Variants in DNHD1 observed in about 807,000 individuals in gnomAD.
DNHD1 encodes the protein dynein heavy chain domain 1, also known as dynein heavy chain domain-containing protein 1.
Under a neutral mutation model 458.1 loss-of-function variants are expected in DNHD1, and 383 were observed. That is an observed-to-expected ratio of 0.84 (90% CI 0.77 to 0.91). The LOEUF (loss-of-function observed/expected upper bound fraction) is 0.91. DNHD1 is among the 40% of genes least tolerant of loss of function. The pLI, the probability that DNHD1 is intolerant of heterozygous loss-of-function variation, is 0.00. For missense variants in DNHD1, 5,336 were observed against 5,866.1 expected (o/e 0.91, Z 2.95); for synonymous variants, 2,203 against 2,376.9 (o/e 0.93, Z 2.13).
rs1011943451 is a variant in DNHD1, at chr11:6,548,003, G to T, written c.6868G>T (p.Ala2290Ser). The change falls in exon 22 of 43, where the codon GCC (alanine) becomes TCC (serine). Residue 2290 changes from alanine (A) to serine (S), a missense_variant. Physicochemically the swap from Ala to Ser is moderately conservative, Grantham distance 99. Around this residue, in one of 4 missense-constraint regions of DNHD1, gnomAD observed 3,932 missense variants for 4,365.6 expected, o/e 0.90. Coordinates refer to ENST00000254579, the MANE Select transcript of DNHD1 (RefSeq NM_144666.3). This position sits in a 1 kb window ranked among gnomAD's most constrained non-coding sequence, Gnocchi z 4.4. ...HLLAVSSFLF[A>S]LIWGFGAHLP... Reference sequence around the variant, plus strand: ...GCTGGCTGTCAGCAGTTTTCTTTTTGCCTTGATCTGGGGCTTTGGAGCCCA... The same window carrying T: ...GCTGGCTGTCAGCAGTTTTCTTTTTTCCTTGATCTGGGGCTTTGGAGCCCA... 2.6e-6 allele frequency: 4 copies of T among 1,551,552 alleles called. No individual in the cohort carries two copies. In the Admixed American group the frequency reaches 7.8e-5, roughly 30 times the overall value.
Position 6,538,307 on chromosome 11 carries a change from C to G in DNHD1, c.2999-76C>G. On this transcript the variant is annotated intron_variant, in intron 14 of 42. Transcript: ENST00000254579. ...GGACCCTACCTTCTGTCATTATGGG[C>G]TCTTGACTGATCATTCCACCACCCC... is the stretch of plus-strand genomic sequence containing the variant. The G allele has an allele frequency of 7.7e-6, 11 of 1,426,852 alleles. No homozygotes were observed. In the South Asian group the frequency reaches 1.4e-4, roughly 18 times the overall value. 88.4% of individuals were successfully genotyped at this position (1,426,852 alleles called of 1,614,324 possible). A position where few individuals can be genotyped will look rare whatever the true frequency, so the allele number is the denominator to read the frequency against.
chr11:6,568,598 A>G, intron 38 of DNHD1, 22 bp downstream of exon 38: 1 of 1,613,860 alleles, frequency 6.2e-7, no homozygotes, highest in Non-Finnish European at 8.5e-7. Flanking sequence ...AACCCCCTAC[A>G]GGCTCTCAAA....
At chr11:6,542,637 C>A (rs1014724743) in intron 18 of DNHD1, among the ~76,000 whole-genome samples, 1 of 152,242 alleles carries the variant, frequency 6.6e-6, no homozygotes, top group African/African-American at 2.4e-5. Context: ...AGTGGCCACA[C>A]ACCATGAAGC....
chr11:6,502,035 A>G (rs1054529392), intron 3 of DNHD1, among the ~76,000 whole-genome samples: 41 of 152,334 alleles, frequency 2.7e-4, no homozygotes, highest in African/African-American at 8.4e-4. Flanking sequence ...TCTAAGTTAA[A>G]TCATTCCAGA....
intron 18 of DNHD1, among the ~76,000 whole-genome samples, chr11:6,541,814 A>T (rs1206184846): frequency 6.6e-6 from 1 of 152,212 alleles, no homozygotes; most frequent in African/African-American, 2.4e-5. Flanking sequence ...CAGTTAAGGG[A>T]TGACTGGTAT....
In DNHD1 at chr11:6,524,516, T is replaced by A. The variant is rs73404916; in HGVS notation, c.1838-4006T>A. On this transcript the variant is annotated intron_variant, in intron 10 of 42. Coordinates refer to ENST00000254579, the MANE Select transcript of DNHD1 (RefSeq NM_144666.3). Reference sequence around the variant, plus strand: ...ACTCCATCCTTGACTTTATATGATATTTGAGTTTTCCTGTCCGTGAGACTG... The same window carrying A: ...ACTCCATCCTTGACTTTATATGATAATTGAGTTTTCCTGTCCGTGAGACTG... 4.7e-3 allele frequency among the ~76,000 whole-genome samples: 713 copies of A among 152,338 alleles called. 8 individuals carry two copies. Among genetic ancestry groups the A allele is most frequent in the African/African-American group, 0.017 (688 of 41,570 alleles).
rs373673021 is a variant in DNHD1, at chr11:6,548,813, C to T, written c.7267C>T (p.Arg2423Cys). ...CCCTGCCTTCAGTTCCTCCCACCTC[C>T]GTCTCCTGCTGAGCAGAGGAATCCA... ...IHPAFSSSHLRLLLSRGIQGQ... is the reference protein window; with the variant it reads ...IHPAFSSSHLCLLLSRGIQGQ... The change falls in exon 24 of 43, where the codon CGT becomes TGT. Residue 2423 changes from arginine to cysteine, a missense_variant. Around this residue, in one of 4 missense-constraint regions of DNHD1, gnomAD observed 3,932 missense variants for 4,365.6 expected, o/e 0.90. Transcript: ENST00000254579. The surrounding 1 kb of genome is among the most constrained non-coding windows in gnomAD (Gnocchi z 4.4). 10 of 1,551,708 alleles carry T rather than the reference C, an allele frequency of 6.4e-6. No individual in the cohort carries two copies. The highest frequency in any genetic ancestry group is 3.6e-5 in the South Asian group (3 of 84,064).
intron 13 of DNHD1, 32 bp from the exon 14 acceptor site, chr11:6,533,649 G>T: frequency 6.6e-7 from 1 of 1,520,898 alleles, no homozygotes; most frequent in Non-Finnish European, 8.8e-7. Context: ...TGGGGTTGTG[G>T]GGCTGCCGGT....
In DNHD1 at chr11:6,545,385, G is replaced by T; in HGVS notation, c.4446G>T (p.Lys1482Asn). Residue 1482 changes from lysine to asparagine, a missense_variant, in exon 21 of 43, where the codon AAG becomes AAT. Physicochemically the swap from Lys to Asn is moderately conservative, Grantham distance 94. Transcript: ENST00000254579. This position sits in a 1 kb window ranked among gnomAD's most constrained non-coding sequence, Gnocchi z 4.9. Reference sequence around the variant, plus strand: ...GCCCATCTCTAGGTGAGGCCCTCAAGCAACTGCCCAAGCAAAACAAGTTGT... The same window carrying T: ...GCCCATCTCTAGGTGAGGCCCTCAATCAACTGCCCAAGCAAAACAAGTTGT... Reference protein sequence around the residue: ...ARGPSLGEALKQLPKQNKLYL... With the variant: ...ARGPSLGEALNQLPKQNKLYL... The T allele has an allele frequency of 1.3e-6, 2 of 1,551,760 alleles. No homozygotes were observed. The highest frequency in any genetic ancestry group is 1.7e-6 in the Non-Finnish European group (2 of 1,147,016).
Position 6,543,092 on chromosome 11 carries a change from TAGAC to T in DNHD1, c.3629-1025_3629-1022del, listed in dbSNP as rs553826418. ...CATGGGGAAGAGTAAGGGAAGAAGATAGACAGAGGGGCTGAAAGCATTAGTCCAG... is the reference window on the plus strand; with the variant it reads ...CATGGGGAAGAGTAAGGGAAGAAGATAGAGGGGCTGAAAGCATTAGTCCAG... On this transcript the variant is annotated intron_variant, in intron 18 of 42. Coordinates refer to ENST00000254579, the MANE Select transcript of DNHD1 (RefSeq NM_144666.3). Among the ~76,000 whole-genome samples the T allele has an allele frequency of 3.3e-4, 50 of 152,286 alleles. 1 individual carries two copies. The highest frequency in any genetic ancestry group is 2.3e-3 in the South Asian group (11 of 4,832).
At position 6,557,066 on chromosome 11, in the gene DNHD1, C is replaced by T. The variant is rs560826255; in HGVS notation, c.7771C>T (p.Leu2591=). 13 of 1,551,744 alleles carry T rather than the reference C, an allele frequency of 8.4e-6. No individual in the cohort carries two copies. In the Admixed American group the frequency reaches 9.8e-5, roughly 12 times the overall value. ...CCTCCACCCACACTACCACTTCTCC[C>T]TACACTCTGTGAGCCACCTACTGAG... The part of the protein sequence containing the change: ...SPLHPHYHFS[L]HSVSHLLSSL... The change falls in exon 25 of 43, where the codon CTA becomes TTA. Residue 2591 remains leucine (L), a synonymous_variant. Coordinates refer to ENST00000254579, the MANE Select transcript of DNHD1 (RefSeq NM_144666.3).
At position 6,559,023 on chromosome 11, in the gene DNHD1, C is replaced by T. The variant is rs1262268348; in HGVS notation, c.9333C>T (p.Thr3111=). The T allele has an allele frequency of 6.4e-7, 1 of 1,551,738 alleles. No homozygotes were observed. Among genetic ancestry groups the T allele is most frequent in the Non-Finnish European group, 8.7e-7 (1 of 1,147,000 alleles). The change falls in exon 27 of 43, where the codon ACC becomes ACT. Residue 3111 remains threonine, a synonymous_variant. Coordinates refer to ENST00000254579, the MANE Select transcript of DNHD1 (RefSeq NM_144666.3). ...TGTGCCCTGCATTGCCACTCGTCACCCCCAAGACCTTCCTAGACTTCCTGG... is the reference window on the plus strand; with the variant it reads ...TGTGCCCTGCATTGCCACTCGTCACTCCCAAGACCTTCCTAGACTTCCTGG... ...EHLCPALPLV[T]PKTFLDFLDT... is the part of the protein sequence containing the mutation.
At position 6,546,834 on chromosome 11, in the gene DNHD1, G is replaced by A. The variant is rs929340879; in HGVS notation, c.5895G>A (p.Leu1965=). The A allele has an allele frequency of 6.4e-7, 1 of 1,551,830 alleles. No individual in the cohort carries two copies. Among genetic ancestry groups the A allele is most frequent in the Non-Finnish European group, 8.7e-7 (1 of 1,147,024 alleles). ...LVVEELQQVG[L]DPSPDILGSL... ...TGGAGGAACTGCAACAGGTAGGTCT[G>A]GATCCCAGCCCTGACATTTTGGGGT... is the stretch of plus-strand genomic sequence containing the variant. The change falls in exon 21 of 43, where the codon CTG becomes CTA. Residue 1965 remains leucine (L), a synonymous_variant. Coordinates refer to ENST00000254579, the MANE Select transcript of DNHD1 (RefSeq NM_144666.3).
Position 6,519,702 on chromosome 11 carries a change from C to T in DNHD1, c.1495C>T (p.Gln499Ter), listed in dbSNP as rs1409963966. 6.2e-7 allele frequency: 1 copy of T among 1,614,188 alleles called. No individual in the cohort carries two copies. Residue 499 changes from glutamine (Q) to a stop codon, truncating the protein, a stop_gained, in exon 8 of 43, where the codon CAG becomes TAG. Coordinates refer to ENST00000254579, the MANE Select transcript of DNHD1 (RefSeq NM_144666.3). LOFTEE classifies it high-confidence loss of function. ...GQGSIYLQRV[Q>*]HKQLEQKLKQ... is the part of the protein sequence containing the mutation. Reference sequence around the variant, plus strand: ...AGGCTCCATATACCTTCAGAGGGTACAGCACAAGCAACTGGAGCAGAAGCT... The same window carrying T: ...AGGCTCCATATACCTTCAGAGGGTATAGCACAAGCAACTGGAGCAGAAGCT...
rs1853242680 is a variant in DNHD1 at position 6,547,298 on chromosome 11, C to T, written c.6359C>T (p.Pro2120Leu). The T allele has an allele frequency of 6.4e-7, 1 of 1,551,844 alleles. No homozygotes were observed. The highest frequency in any genetic ancestry group is 1.2e-5 in the South Asian group (1 of 84,064). Residue 2120 changes from proline to leucine, a missense_variant, in exon 21 of 43, where the codon CCA becomes CTA. Around this residue, in one of 4 missense-constraint regions of DNHD1, gnomAD observed 3,932 missense variants for 4,365.6 expected, o/e 0.90. Coordinates refer to ENST00000254579, the MANE Select transcript of DNHD1 (RefSeq NM_144666.3). ...AGTGGACAGCAGATAGCACGACCCC[C>T]AGGCACCTTTCTCTTGATGGAGGTG... is the stretch of plus-strand genomic sequence containing the variant. Reference protein sequence around the residue: ...LPSGQQIARPPGTFLLMEVAD... With the variant: ...LPSGQQIARPLGTFLLMEVAD...
intron 3 of DNHD1, among the ~76,000 whole-genome samples, chr11:6,500,567 G>A (rs1481319858): frequency 6.6e-6 from 1 of 152,226 alleles, no homozygotes. Context: ...TGTGCCTTGA[G>A]TACAAGTTTC....
Position 6,546,465 on chromosome 11 carries a change from T to G in DNHD1, c.5526T>G (p.Gly1842=), listed in dbSNP as rs1589885714. The G allele has an allele frequency of 1.9e-6, 3 of 1,550,966 alleles. No homozygotes were observed. The highest frequency in any genetic ancestry group is 2.6e-6 in the Non-Finnish European group (3 of 1,146,998). Residue 1842 remains glycine, a synonymous_variant, in exon 21 of 43, where the codon GGT becomes GGG. Coordinates refer to ENST00000254579, the MANE Select transcript of DNHD1 (RefSeq NM_144666.3). Reference sequence around the variant, plus strand: ...AAGTGGCAGAGCTGACTCTGCTGGGTGCAGGGATGAGGGATGCCTTCCAGA... The same window carrying G: ...AAGTGGCAGAGCTGACTCTGCTGGGGGCAGGGATGAGGGATGCCTTCCAGA... The part of the protein sequence containing the change: ...LRQVAELTLL[G]AGMRDAFQMA...
At chr11:6,509,346 T>C in intron 6 of DNHD1, 74 bp downstream of exon 6, 1 of 1,330,594 alleles carries the variant, frequency 7.5e-7, no homozygotes, top group Non-Finnish European at 1.0e-6. Flanking sequence ...ATGTTTGTTG[T>C]AGAAAATCTG....
At chr11:6,517,355 C>T (rs545944866) in intron 7 of DNHD1, among the ~76,000 whole-genome samples, 1 of 152,252 alleles carries the variant, frequency 6.6e-6, no homozygotes, top group African/African-American at 2.4e-5. Flanking sequence ...ATCCAGCAAT[C>T]CCACTTCTGT....
Sources: gnomAD v4.1 joint callset for allele counts (sites outside exome capture counted in the v4.1 genomes callset) on GRCh38, gnomAD v4.1.1 for gene constraint, gnomAD v4.1.1 regional missense constraint, Gnocchi (gnomAD v3.1) non-coding constraint, MANE v1.5 for transcripts, NCBI Gene and HGNC (gene_info 2026-07-23, HGNC 2026-07-21) for gene names.